MEGF11: variants seen among roughly 807,000 people sequenced by gnomAD.
The protein encoded by MEGF11 is multiple epidermal growth factor-like domains protein 11.
In MEGF11, 126 loss-of-function variants were observed where a neutral mutation model predicts 146.6. The ratio of observed to expected loss-of-function variants is 0.86; its 90% confidence interval spans 0.74 to 1.00. The LOEUF is 1.00. MEGF11 is among the 50% of genes least tolerant of loss of function. The probability of loss-of-function intolerance (pLI) is 0.00; values close to 1 mark genes in which losing one functional copy is unlikely to be tolerated. For synonymous variants in MEGF11, 532 were observed against 583.4 expected, an observed-to-expected ratio of 0.91 and a Z score of 1.27; for missense variants, 1,509 against 1,521.2, an observed-to-expected ratio of 0.99 and a Z score of 0.13.
At chr15:65,963,956 TTC>T (rs749502289) in intron 9 of MEGF11, among the ~76,000 whole-genome samples, 2 of 152,196 alleles carry the variant, frequency 1.3e-5, no homozygotes, top group African/African-American at 4.8e-5. Context: ...AGCAGAGGGA[TTC>T]TCTGTCTGCC....
chr15:66,239,654 C>T (rs1205882409), intron 1 of MEGF11, among the ~76,000 whole-genome samples: 1 of 152,202 alleles, frequency 6.6e-6, no homozygotes, highest in Non-Finnish European at 1.5e-5. Context: ...GGGCCAGGCT[C>T]TGGCACAGCC....
intron 10 of MEGF11, among the ~76,000 whole-genome samples, chr15:65,955,738 T>C (rs1448228636): frequency 6.6e-5 from 1 of 15,096 alleles, no homozygotes; most frequent in Non-Finnish European, 1.0e-4. Context: ...AGTGAGACTC[T>C]TAAAAAAAAA....
At chr15:65,983,943 C>T (rs1273111991) in intron 5 of MEGF11, among the ~76,000 whole-genome samples, 1 of 152,206 alleles carries the variant, frequency 6.6e-6, no homozygotes, top group African/African-American at 2.4e-5. Context: ...GTGGAAGGAT[C>T]AGCCCCACCA....
intron 3 of MEGF11, among the ~76,000 whole-genome samples, chr15:66,123,172 C>T (rs2088137179): frequency 6.6e-6 from 1 of 152,202 alleles, no homozygotes; most frequent in African/African-American, 2.4e-5. Context: ...TTCTTCCTTC[C>T]TCTTGCCTTT....
chr15:65,917,069 ACATTTCCTGGCTTT>A, intron 16 of MEGF11, 113 bp from the exon 17 acceptor site: 1 of 1,197,838 alleles, frequency 8.3e-7, no homozygotes, highest in Non-Finnish European at 1.1e-6. Flanking sequence ...GACCTGGCTG[ACATTTCCTGGCTTT>A]CAGGGGCTTC....
At chr15:65,938,984 A>G (rs1449264105) in intron 10 of MEGF11, among the ~76,000 whole-genome samples, 1 of 152,180 alleles carries the variant, frequency 6.6e-6, no homozygotes, top group African/African-American at 2.4e-5. Context: ...TTTTCCTTGC[A>G]ATGGACAGGA....
chr15:65,965,601 T>TTTCTTTCTTTCTTTCTTTCTTTCTTTC (rs869249487), intron 8 of MEGF11, among the ~76,000 whole-genome samples: 24 of 46,472 alleles, frequency 5.2e-4, no homozygotes, highest in African/African-American at 1.7e-3. Context: ...TCTTTCTTTC[T>TTTCTTTCTTTCTTTCTTTCTTTCTTTC]TTTTTTTTTT....
rs578253518 is a variant in MEGF11 at position 65,982,152 on chromosome 15, C to T, written c.641+90G>A. The T allele has an allele frequency of 1.7e-3, 2,189 of 1,304,416 alleles. 43 individuals carry two copies. The African/African-American group carries it at 0.028, about 17-fold the overall frequency. 80.8% of individuals were successfully genotyped at this position (1,304,416 alleles called of 1,614,324 possible). ...CAGCCACTCCAGGCCCCGCCCCAGC[C>T]CCTCCACCTCCTCTACCCTCCCCAC... On this transcript the variant is annotated intron_variant, in intron 6 of 25. Coordinates refer to ENST00000395614, the MANE Select transcript of MEGF11 (RefSeq NM_001385028.1). This position sits in a 1 kb window ranked among gnomAD's most constrained non-coding sequence, Gnocchi z 5.6.
intron 24 of MEGF11, among the ~76,000 whole-genome samples, chr15:65,904,145 A>G (rs781629570): frequency 6.6e-6 from 1 of 152,226 alleles, no homozygotes; most frequent in African/African-American, 2.4e-5. Context: ...CACAGTGCAT[A>G]GGAAAGTTGT....
At chr15:65,987,860 G>A (rs549629090) in intron 5 of MEGF11, among the ~76,000 whole-genome samples, 216 of 150,886 alleles carry the variant, frequency 1.4e-3, no homozygotes, top group South Asian at 0.012. Flanking sequence ...ATAGGCATGC[G>A]CCACCATGCC....
intron 1 of MEGF11, among the ~76,000 whole-genome samples, chr15:66,250,815 G>A (rs989545168): frequency 1.5e-4 from 23 of 151,876 alleles, no homozygotes; most frequent in Non-Finnish European, 2.5e-4. Flanking sequence ...GCTGAGGCAG[G>A]AGAATCACTT....
chr15:66,159,149 T>TGTGA (rs2089866493), intron 1 of MEGF11, among the ~76,000 whole-genome samples: 1 of 152,214 alleles, frequency 6.6e-6, no homozygotes, highest in South Asian at 2.1e-4. Flanking sequence ...TTTCAAACAA[T>TGTGA]TGTCTCACAG....
In MEGF11 at chr15:66,176,527, G is replaced by T. The variant is rs895950344; in HGVS notation, c.-8-48116C>A. On this transcript the variant is annotated intron_variant, in intron 1 of 25. Coordinates refer to ENST00000395614, the MANE Select transcript of MEGF11 (RefSeq NM_001385028.1). ...AAATAAATAAAATTTAAAACTCAGAGCCTCAGTCACACCAGTGACTCAGCC... is the reference window on the plus strand; with the variant it reads ...AAATAAATAAAATTTAAAACTCAGATCCTCAGTCACACCAGTGACTCAGCC... Among the ~76,000 whole-genome samples, 4 of 152,132 alleles carry T rather than the reference G, an allele frequency of 2.6e-5. No homozygotes were observed. The East Asian group carries it at 7.7e-4, about 29-fold the overall frequency.
chr15:65,992,461 G>GT (rs1319518237), intron 5 of MEGF11, among the ~76,000 whole-genome samples: 2 of 126,678 alleles, frequency 1.6e-5, no homozygotes, highest in Non-Finnish European at 3.4e-5. Context: ...GGGGGGGGGG[G>GT]TTAGTCACAT....
At chr15:66,095,540 A>T (rs1195778053) in intron 4 of MEGF11, among the ~76,000 whole-genome samples, 2 of 152,134 alleles carry the variant, frequency 1.3e-5, no homozygotes, top group South Asian at 2.1e-4. Context: ...CCTCCCACCC[A>T]CTGCCTGGCC....
At chr15:65,984,459 G>C (rs1198058144) in intron 5 of MEGF11, among the ~76,000 whole-genome samples, 1 of 144,904 alleles carries the variant, frequency 6.9e-6, no homozygotes, top group Non-Finnish European at 1.5e-5. Context: ...CCGGGAGGCA[G>C]AGGTTGCAGT....
chr15:65,970,139 C>G (rs2081255121), intron 8 of MEGF11, among the ~76,000 whole-genome samples: 1 of 152,196 alleles, frequency 6.6e-6, no homozygotes, highest in South Asian at 2.1e-4. Context: ...CAAACTGATG[C>G]CAGTATCCTT....
intron 2 of MEGF11, among the ~76,000 whole-genome samples, chr15:66,127,913 G>A (rs571115924): frequency 6.6e-6 from 1 of 152,296 alleles, no homozygotes; most frequent in East Asian, 1.9e-4. Context: ...GCCAGTCCTG[G>A]GAGACCAGGA....
chr15:66,123,026 G>A (rs1224929130), intron 3 of MEGF11, among the ~76,000 whole-genome samples: 7 of 152,094 alleles, frequency 4.6e-5, no homozygotes, highest in African/African-American at 1.7e-4. Flanking sequence ...CTTGTGATAC[G>A]CCCACCTCGG....
Sources: allele counts gnomAD v4.1 joint callset (sites outside exome capture counted in the v4.1 genomes callset), GRCh38; gene constraint gnomAD v4.1.1; non-coding constraint Gnocchi (gnomAD v3.1); transcripts MANE v1.5; gene names NCBI Gene and HGNC (gene_info 2026-07-23, HGNC 2026-07-21).